The following HDAC9 variants were observed in gnomAD, a reference collection of about 807,000 sequenced individuals.
The protein encoded by HDAC9 is MEF-2 interacting transcription repressor (MITR) protein.
Under a neutral mutation model 139.4 loss-of-function variants are expected in HDAC9, and 41 were observed. That is an observed-to-expected ratio of 0.29 (90% CI 0.23 to 0.38). The LOEUF is 0.38. Ranked by LOEUF, HDAC9 falls within the 10% of genes least tolerant of loss-of-function variation. The pLI, the probability that HDAC9 is intolerant of heterozygous loss-of-function variation, is 1.00. For missense variants in HDAC9, 1,147 were observed against 1,297.0 expected, an observed-to-expected ratio of 0.88 and a Z score of 1.78; for synonymous variants, 517 against 476.2, an observed-to-expected ratio of 1.09 and a Z score of -1.12.
intron 2 of HDAC9, among the ~76,000 whole-genome samples, chr7:18,215,971 T>C: frequency 6.6e-6 from 1 of 152,144 alleles, no homozygotes; most frequent in East Asian, 1.9e-4. Context: ...AGTTGTGTCA[T>C]TTCTTCACTA....
chr7:18,632,660 AT>A (rs1782696463), intron 7 of HDAC9, among the ~76,000 whole-genome samples: 4 of 152,108 alleles, frequency 2.6e-5, no homozygotes, highest in Non-Finnish European at 1.5e-5. Context: ...ATTAGGCTCT[AT>A]TTTGGAGCAG....
chr7:18,731,384 TG>T (rs1369873166), intron 13 of HDAC9, among the ~76,000 whole-genome samples: 1 of 152,132 alleles, frequency 6.6e-6, no homozygotes, highest in Non-Finnish European at 1.5e-5. Context: ...TACTTTTTGG[TG>T]CTACTAAGAA....
chr7:18,692,429 C>T (rs372284957), intron 12 of HDAC9, among the ~76,000 whole-genome samples: 1 of 152,004 alleles, frequency 6.6e-6, no homozygotes, highest in Admixed American at 6.6e-5. Context: ...ATGGAACAAA[C>T]TTTTTGAAAC....
intron 1 of HDAC9, among the ~76,000 whole-genome samples, chr7:18,317,155 C>A (rs911322707): frequency 2.0e-5 from 3 of 148,924 alleles, no homozygotes; most frequent in Non-Finnish European, 4.5e-5. Flanking sequence ...ATAAATGGCG[C>A]CACTGCACTC....
chr7:18,630,505 C>T (rs1162459585), intron 7 of HDAC9, among the ~76,000 whole-genome samples: 3 of 152,010 alleles, frequency 2.0e-5, no homozygotes, highest in Non-Finnish European at 4.4e-5. Context: ...CTAATGCAAC[C>T]TGAAAGTTTG....
intron 1 of HDAC9, among the ~76,000 whole-genome samples, chr7:18,317,206 A>G (rs1799714885): frequency 6.6e-6 from 1 of 151,462 alleles, no homozygotes; most frequent in South Asian, 2.1e-4. Context: ...CAAAATAAAT[A>G]AATAAATTAA....
At chr7:18,152,103 AT>A (rs11398845) in intron 1 of HDAC9, among the ~76,000 whole-genome samples, 389 of 145,224 alleles carry the variant, frequency 2.7e-3, no homozygotes, top group African/African-American at 5.2e-3. Flanking sequence ...GTGCTGTCCC[AT>A]TTTTTTTTTT....
chr7:18,639,374 G>A (rs752600226), intron 8 of HDAC9, among the ~76,000 whole-genome samples: 2 of 152,052 alleles, frequency 1.3e-5, no homozygotes, highest in South Asian at 2.1e-4. Flanking sequence ...GGAATAACAT[G>A]AGTCAATATT....
chr7:18,771,869 T>C (rs1585009657), intron 16 of HDAC9, among the ~76,000 whole-genome samples: 1 of 152,238 alleles, frequency 6.6e-6, no homozygotes, highest in East Asian at 1.9e-4. Flanking sequence ...TGATTTAGGA[T>C]GGTCATCTTT....
At chr7:18,133,932 GCACACA>G (rs112343375) in intron 1 of HDAC9, among the ~76,000 whole-genome samples, 10 of 145,904 alleles carry the variant, frequency 6.9e-5, no homozygotes, top group East Asian at 2.0e-4. Flanking sequence ...ATACACGCGT[GCACACA>G]CACACACACA....
chr7:18,864,977 T>C (rs1798384588), intron 21 of HDAC9, among the ~76,000 whole-genome samples: 1 of 152,224 alleles, frequency 6.6e-6, no homozygotes, highest in Admixed American at 6.5e-5. Context: ...CCTTTGACCG[T>C]AGTGTGTCAG....
chr7:18,189,920 GGT>G (rs35060071), intron 2 of HDAC9, among the ~76,000 whole-genome samples: 35,657 of 144,366 alleles, frequency 0.25, 4,510 homozygotes, highest in East Asian at 0.47. Flanking sequence ...ACTTGTGTGT[GGT>G]GTGTGTGTGT....
intron 1 of HDAC9, among the ~76,000 whole-genome samples, chr7:18,456,037 C>G (rs1241403095): frequency 1.3e-5 from 2 of 152,090 alleles, no homozygotes; most frequent in Non-Finnish European, 2.9e-5. Context: ...GTTTCCATCT[C>G]TAAAATTTTC....
At chr7:18,427,258 A>G (rs1217117231) in intron 1 of HDAC9, among the ~76,000 whole-genome samples, 1 of 152,138 alleles carries the variant, frequency 6.6e-6, no homozygotes, top group East Asian at 1.9e-4. Flanking sequence ...ATAGGTACTC[A>G]TTCACACCTA....
intron 1 of HDAC9, among the ~76,000 whole-genome samples, chr7:18,161,760 T>G (rs1787644167): frequency 6.6e-6 from 1 of 152,198 alleles, no homozygotes; most frequent in Non-Finnish European, 1.5e-5. Context: ...TTTATGGCCT[T>G]TTTGTTCTTT....
chr7:18,134,921 A>G (rs956144945), intron 1 of HDAC9, among the ~76,000 whole-genome samples: 1 of 152,156 alleles, frequency 6.6e-6, no homozygotes, highest in African/African-American at 2.4e-5. Context: ...ATTGAATCAA[A>G]CTATGATTCT....
At chr7:18,212,133 C>A (rs955125506) in intron 2 of HDAC9, among the ~76,000 whole-genome samples, 2 of 152,102 alleles carry the variant, frequency 1.3e-5, no homozygotes, top group Admixed American at 6.5e-5. Context: ...TGTCTGACTT[C>A]ATCCCAATTT....
intron 1 of HDAC9, among the ~76,000 whole-genome samples, chr7:18,489,608 A>G (rs1796217462): frequency 6.6e-6 from 1 of 152,032 alleles, no homozygotes; most frequent in Non-Finnish European, 1.5e-5. Context: ...CTAAAACTGA[A>G]AATTCCATGA....
chr7:18,701,924 G>C (rs1783521480), intron 12 of HDAC9, among the ~76,000 whole-genome samples: 1 of 152,194 alleles, frequency 6.6e-6, no homozygotes, highest in African/African-American at 2.4e-5. Context: ...CCAGTTTTCT[G>C]TGTTTCCATA....
Sources: gnomAD v4.1 joint callset for allele counts (sites outside exome capture counted in the v4.1 genomes callset) on GRCh38, gnomAD v4.1.1 for gene constraint, MANE v1.5 for transcripts, NCBI Gene and HGNC (gene_info 2026-07-23, HGNC 2026-07-21) for gene names.